GABRG1: variants seen among roughly 807,000 people sequenced by gnomAD.
GABRG1 encodes gamma-aminobutyric acid type A receptor subunit gamma1.
A neutral mutation model predicts 49.8 loss-of-function variants in GABRG1; 49 were observed. The observed-to-expected ratio is 0.98, with a 90% CI of 0.78 to 1.25. GABRG1 has a LOEUF of 1.25. Ranked by LOEUF, GABRG1 falls within the 50% of genes most tolerant of loss-of-function variation. The pLI is 0.00. For missense variants in GABRG1, 552 were observed against 552.3 expected, an observed-to-expected ratio of 1.00 and a Z score of 0.01; for synonymous variants, 232 against 185.1, an observed-to-expected ratio of 1.25 and a Z score of -2.06.
chr4:46,065,289 A>G, intron 4 of GABRG1, 75 bp downstream of exon 4: 1 of 1,064,900 alleles, frequency 9.4e-7, no homozygotes, highest in Non-Finnish European at 1.3e-6. Context: ...TTTGAGAAAT[A>G]AAAAATTAAG....
intron 8 of GABRG1, among the ~76,000 whole-genome samples, chr4:46,048,711 G>T (rs917168388): frequency 6.6e-6 from 1 of 151,264 alleles, no homozygotes; most frequent in Non-Finnish European, 1.5e-5. Context: ...AGCAAGGAAG[G>T]AAAAATAGAA....
chr4:46,048,422 G>A (rs555863834), intron 8 of GABRG1, among the ~76,000 whole-genome samples: 4 of 140,102 alleles, frequency 2.9e-5, no homozygotes, highest in South Asian at 2.3e-4. Flanking sequence ...AAGGAAGGAA[G>A]GTTCTTCCAA....
At position 46,105,042 on chromosome 4, in the gene GABRG1, C is replaced by T. The variant is rs140579550; in HGVS notation, c.105-7693G>A. Among the ~76,000 whole-genome samples, 376 of 151,456 alleles carry T rather than the reference C, an allele frequency of 2.5e-3. 1 individual carries two copies. The highest frequency in any genetic ancestry group is 8.9e-3 in the African/African-American group (367 of 41,448). On this transcript the variant is annotated intron_variant, in intron 1 of 8. Coordinates refer to ENST00000295452, the MANE Select transcript of GABRG1 (RefSeq NM_173536.4). ...TCTTGAAAACGGTAAAGTGGGCACG[C>T]TATCCTTCCTTTTTCAGAAATCAAC...
Position 46,063,189 on chromosome 4 carries a change from A to T in GABRG1, c.625+1252T>A, listed in dbSNP as rs1718771369. 2.6e-5 allele frequency among the ~76,000 whole-genome samples: 4 copies of T among 151,904 alleles called. No homozygotes were observed. The South Asian group carries it at 8.3e-4, about 32-fold the overall frequency. On this transcript the variant is annotated intron_variant, in intron 5 of 8. Coordinates refer to ENST00000295452, the MANE Select transcript of GABRG1 (RefSeq NM_173536.4). ...ACTACTTTAAAGTTCATATGGAACC[A>T]AAAAAAAGCCCGCATTGCCAAGTCA...
At chr4:46,063,011 A>G (rs1718762890) in intron 5 of GABRG1, among the ~76,000 whole-genome samples, 1 of 151,304 alleles carries the variant, frequency 6.6e-6, no homozygotes, top group Admixed American at 6.6e-5. Flanking sequence ...GCTCAATGAA[A>G]TAAAAGAGGA....
At chr4:46,047,653 A>C (rs531959317) in intron 8 of GABRG1, among the ~76,000 whole-genome samples, 42 of 152,008 alleles carry the variant, frequency 2.8e-4, no homozygotes, top group African/African-American at 7.9e-4. Flanking sequence ...TGTTTTTATA[A>C]AAAATAAAAA....
chr4:46,085,167 T>C (rs1719709029), intron 2 of GABRG1, among the ~76,000 whole-genome samples: 1 of 151,464 alleles, frequency 6.6e-6, no homozygotes. Flanking sequence ...CTGAACGTTG[T>C]CTACATTGAG....
chr4:46,098,962 T>C (rs994682856), intron 1 of GABRG1, among the ~76,000 whole-genome samples: 1 of 151,666 alleles, frequency 6.6e-6, no homozygotes, highest in Non-Finnish European at 1.5e-5. Context: ...GTAAAAATCC[T>C]TATATTGCCA....
At chr4:46,046,687 G>A (rs944583199) in intron 8 of GABRG1, among the ~76,000 whole-genome samples, 1 of 151,916 alleles carries the variant, frequency 6.6e-6, no homozygotes, top group Non-Finnish European at 1.5e-5. Context: ...GTGCCAGGGG[G>A]GACCCAAAAA....
At chr4:46,104,329 A>T (rs2109435866) in intron 1 of GABRG1, among the ~76,000 whole-genome samples, 1 of 151,666 alleles carries the variant, frequency 6.6e-6, no homozygotes. Context: ...TGAAACCAAT[A>T]CACAGTTTAA....
intron 2 of GABRG1, 42 bp from the exon 3 acceptor site, chr4:46,084,095 G>C: frequency 9.0e-7 from 1 of 1,105,132 alleles, no homozygotes; most frequent in Non-Finnish European, 1.3e-6. Flanking sequence ...GATATGATTA[G>C]ACATTGTTTT....
chr4:46,072,246 T>A (rs1249709207), intron 3 of GABRG1, among the ~76,000 whole-genome samples: 1 of 152,090 alleles, frequency 6.6e-6, no homozygotes, highest in East Asian at 1.9e-4. Flanking sequence ...CTATACCATG[T>A]AGGTTTGTGT....
At chr4:46,095,416 G>GA (rs1198526668) in intron 2 of GABRG1, among the ~76,000 whole-genome samples, 1 of 151,464 alleles carries the variant, frequency 6.6e-6, no homozygotes, top group Non-Finnish European at 1.5e-5. Flanking sequence ...ATTACATTTT[G>GA]AAAAAAATGT....
At chr4:46,112,977 G>C (rs1460314848) in intron 1 of GABRG1, among the ~76,000 whole-genome samples, 1 of 150,672 alleles carries the variant, frequency 6.6e-6, no homozygotes, top group Non-Finnish European at 1.5e-5. Context: ...TAACTACAAG[G>C]CCCCCACATT....
intron 8 of GABRG1, among the ~76,000 whole-genome samples, chr4:46,043,943 A>G (rs1717884765): frequency 1.3e-5 from 2 of 152,002 alleles, no homozygotes; most frequent in African/African-American, 4.8e-5. Context: ...GTTATTACTT[A>G]TACCATCTGA....
rs1717760051 is a variant in GABRG1 at position 46,041,132 on chromosome 4, G to A, written c.1254C>T (p.Cys418=). The A allele has an allele frequency of 2.5e-6, 4 of 1,613,162 alleles. No homozygotes were observed. Among genetic ancestry groups the A allele is most frequent in the Non-Finnish European group, 3.4e-6 (4 of 1,179,430 alleles). ...AAGATCCTGTTCTGCAGTCTTCAAA[G>A]CAACAGAAGAAGCTGGCACAATCTT... is the stretch of plus-strand genomic sequence containing the variant. ...EGKDCASFFC[C]FEDCRTGSWR... Residue 418 remains cysteine (C), a synonymous_variant, in exon 9 of 9, where the codon TGC becomes TGT. Transcript: ENST00000295452.
chr4:46,079,462 T>G (rs1449058129), intron 3 of GABRG1, among the ~76,000 whole-genome samples: 1 of 151,928 alleles, frequency 6.6e-6, no homozygotes, highest in Admixed American at 6.6e-5. Context: ...ATATATCACT[T>G]TTGCGATTGG....
At chr4:46,058,729 C>T (rs2109403086) in intron 5 of GABRG1, 107 bp from the exon 6 acceptor site, 1 of 761,484 alleles carries the variant, frequency 1.3e-6, no homozygotes, top group Non-Finnish European at 2.1e-6. Context: ...TTTTTTATTA[C>T]AAGATATGCC....
chr4:46,051,833 T>C (rs1194450025), intron 7 of GABRG1, among the ~76,000 whole-genome samples, 195 bp from the exon 8 acceptor site: 1 of 151,906 alleles, frequency 6.6e-6, no homozygotes, highest in Non-Finnish European at 1.5e-5. Flanking sequence ...TGAGTTCTAA[T>C]CATTTAAATT....
Sources: gnomAD v4.1 joint callset for allele counts (sites outside exome capture counted in the v4.1 genomes callset) on GRCh38, gnomAD v4.1.1 for gene constraint, MANE v1.5 for transcripts, NCBI Gene and HGNC (gene_info 2026-07-23, HGNC 2026-07-21) for gene names.